SELENOI: variants seen among roughly 807,000 people sequenced by gnomAD.
The protein encoded by SELENOI is ethanolaminephosphotransferase 1.
A neutral mutation model predicts 50.7 loss-of-function variants in SELENOI; 24 were observed. The ratio of observed to expected loss-of-function variants is 0.47; its 90% confidence interval spans 0.34 to 0.67. SELENOI has a LOEUF of 0.67. Ranked by LOEUF, SELENOI falls within the 30% of genes least tolerant of loss-of-function variation. The pLI is 0.01. For missense variants in SELENOI, 352 were observed against 461.4 expected (o/e 0.76, Z 2.17); for synonymous variants, 155 against 170.2 (o/e 0.91, Z 0.70).
chr2:26,378,689 C>G (rs889264146), intron 6 of SELENOI, among the ~76,000 whole-genome samples: 2 of 152,180 alleles, frequency 1.3e-5, no homozygotes, highest in Non-Finnish European at 2.9e-5. Flanking sequence ...GAATTTCTGT[C>G]TGTCCTTCAG....
chr2:26,383,492 A>G (rs995547403), intron 7 of SELENOI, 145 bp downstream of exon 7: 61 of 599,540 alleles, frequency 1.0e-4, no homozygotes, highest in Non-Finnish European at 1.7e-4. Flanking sequence ...ATGGGGTAGG[A>G]TAGTTTAGGG....
At chr2:26,356,302 C>T (rs1331219110) in intron 1 of SELENOI, among the ~76,000 whole-genome samples, 1 of 152,062 alleles carries the variant, frequency 6.6e-6, no homozygotes, top group African/African-American at 2.4e-5. Context: ...GGACTACAGG[C>T]GTGTACTACC....
chr2:26,394,497 C>T lies in SELENOI; in HGVS notation c.*5394C>T, dbSNP rs541595011. On this transcript the variant is annotated 3_prime_UTR_variant, in exon 10 of 10. Coordinates refer to ENST00000260585, the MANE Select transcript of SELENOI (RefSeq NM_033505.4). This position sits in a 1 kb window ranked among gnomAD's most constrained non-coding sequence, Gnocchi z 4.1. ...AAATTGAGACTGCTCACAATATTAA[C>T]TTTTTTTGTAGGTTATTTTGTTGTT... 2.0e-5 allele frequency: 3 copies of T among 152,288 alleles called. No homozygotes were observed. The highest frequency in any genetic ancestry group is 3.9e-4 in the East Asian group (2 of 5,194). 9.4% of individuals were successfully genotyped at this position (152,288 alleles called of 1,614,324 possible). A position where few individuals can be genotyped will look rare whatever the true frequency, so the allele number is the denominator to read the frequency against.
chr2:26,393,235 C>G lies in SELENOI; in HGVS notation c.*4132C>G, dbSNP rs897428928. 1 of 152,624 alleles carries G rather than the reference C, an allele frequency of 6.6e-6. No individual in the cohort carries two copies. The highest frequency in any genetic ancestry group is 1.5e-5 in the Non-Finnish European group (1 of 68,054). The allele number at this position is 152,624 out of a possible 1,614,324, so 9.5% of individuals were successfully genotyped here. A position where few individuals can be genotyped will look rare whatever the true frequency, so the allele number is the denominator to read the frequency against. ...CAGAGAAAGTGGTGATATGCTTCTTCCTTGCATGGAGCTGTGGGAATTGGA... is the reference window on the plus strand; with the variant it reads ...CAGAGAAAGTGGTGATATGCTTCTTGCTTGCATGGAGCTGTGGGAATTGGA... On this transcript the variant is annotated 3_prime_UTR_variant, in exon 10 of 10. Transcript: ENST00000260585.
intron 1 of SELENOI, among the ~76,000 whole-genome samples, chr2:26,358,378 C>T (rs1267194677): frequency 1.3e-5 from 2 of 152,130 alleles, no homozygotes; most frequent in Non-Finnish European, 2.9e-5. Flanking sequence ...CAGAGTGAGA[C>T]TCCGTCTCAA....
chr2:26,383,991 G>A (rs1677785305), intron 7 of SELENOI, among the ~76,000 whole-genome samples: 1 of 152,202 alleles, frequency 6.6e-6, no homozygotes, highest in African/African-American at 2.4e-5. Context: ...TGTCTGGGTT[G>A]CGGGGAGAAG....
chr2:26,371,579 C>A (rs1188114289), intron 4 of SELENOI, among the ~76,000 whole-genome samples: 3 of 152,252 alleles, frequency 2.0e-5, no homozygotes, highest in Non-Finnish European at 4.4e-5. Flanking sequence ...CCATTGAGCA[C>A]TGAGTGAACC....
rs572034056 is a variant in SELENOI, at chr2:26,391,226, A to C, written c.*2123A>C. On this transcript the variant is annotated 3_prime_UTR_variant, in exon 10 of 10. Transcript: ENST00000260585. ...GGTGGTAAAGAATGATGCCATAGTC[A>C]GTTTTATTGACATTGTTAGATGAAA... 6.6e-6 allele frequency: 1 copy of C among 152,326 alleles called. No homozygotes were observed. The highest frequency in any genetic ancestry group is 2.4e-5 in the African/African-American group (1 of 41,578). The allele number at this position is 152,326 out of a possible 1,614,324, so 9.4% of individuals were successfully genotyped here.
chr2:26,365,988 G>A (rs1365950342), intron 3 of SELENOI, among the ~76,000 whole-genome samples: 1 of 151,880 alleles, frequency 6.6e-6, no homozygotes, highest in Non-Finnish European at 1.5e-5. Flanking sequence ...TTGTAGTAGA[G>A]CAGGGTTTCA....
intron 1 of SELENOI, among the ~76,000 whole-genome samples, chr2:26,357,602 G>T (rs918976742): frequency 7.2e-5 from 11 of 152,186 alleles, no homozygotes; most frequent in African/African-American, 2.7e-4. Flanking sequence ...GCTTCCAGTA[G>T]CTCCTGGCCT....
At position 26,364,856 on chromosome 2, in the gene SELENOI, A is replaced by T. The variant is rs1677254709; in HGVS notation, c.151A>T (p.Asn51Tyr). ...GGTATTTCCTACTTGGCTGGCGCCC[A>T]ATCTGATAACTTTTTCTGGCTTTCT... ...VKVFPTWLAP[N>Y]LITFSGFLLV... The change falls in exon 3 of 10, where the codon AAT becomes TAT. Residue 51 changes from asparagine (N) to tyrosine (Y), a missense_variant. Asn to Tyr is a moderately radical substitution (Grantham distance 143). Coordinates refer to ENST00000260585, the MANE Select transcript of SELENOI (RefSeq NM_033505.4). The T allele has an allele frequency of 3.1e-6, 5 of 1,609,772 alleles. No individual in the cohort carries two copies. The highest frequency in any genetic ancestry group is 8.5e-7 in the Non-Finnish European group (1 of 1,178,342).
At chr2:26,387,628 C>T (rs370734093) in intron 9 of SELENOI, among the ~76,000 whole-genome samples, 2 of 145,172 alleles carry the variant, frequency 1.4e-5, no homozygotes, top group South Asian at 2.2e-4. Flanking sequence ...CCCAGGAGGT[C>T]GGGGCTACAG....
chr2:26,380,141 C>G (rs1199227800), intron 6 of SELENOI, among the ~76,000 whole-genome samples: 1 of 152,048 alleles, frequency 6.6e-6, no homozygotes, highest in South Asian at 2.1e-4. Flanking sequence ...ATTCATTTTT[C>G]CTTTATAATT....
chr2:26,373,918 A>G (rs1182878084), intron 5 of SELENOI, among the ~76,000 whole-genome samples: 1 of 152,010 alleles, frequency 6.6e-6, no homozygotes, highest in Admixed American at 6.6e-5. Flanking sequence ...CGCCTGGCTA[A>G]TTTTTATATT....
chr2:26,367,086 G>C, intron 3 of SELENOI, 60 bp from the exon 4 acceptor site: 1 of 1,403,782 alleles, frequency 7.1e-7, no homozygotes, highest in South Asian at 1.3e-5. Context: ...GTCAGTATAT[G>C]CTATGGTAAG....
At chr2:26,374,400 G>T (rs887401497) in intron 5 of SELENOI, among the ~76,000 whole-genome samples, 12 of 152,108 alleles carry the variant, frequency 7.9e-5, no homozygotes, top group African/African-American at 2.9e-4. Context: ...CTCCAGTAAA[G>T]AAATCAGAAG....
At position 26,391,467 on chromosome 2, in the gene SELENOI, T is replaced by A. The variant is rs565173236; in HGVS notation, c.*2364T>A. The A allele has an allele frequency of 6.6e-6, 1 of 152,348 alleles. No individual in the cohort carries two copies. The highest frequency in any genetic ancestry group is 2.4e-5 in the African/African-American group (1 of 41,584). The allele number at this position is 152,348 out of a possible 1,614,324, so 9.4% of individuals were successfully genotyped here. A position where few individuals can be genotyped will look rare whatever the true frequency, so the allele number is the denominator to read the frequency against. On this transcript the variant is annotated 3_prime_UTR_variant, in exon 10 of 10. Coordinates refer to ENST00000260585, the MANE Select transcript of SELENOI (RefSeq NM_033505.4). ...TGCATTTATGTCATGCCAATTACTA[T>A]AACATTTCCAAAGTATGAAAGGTCT...
intron 1 of SELENOI, among the ~76,000 whole-genome samples, chr2:26,351,144 C>T (rs1676951702): frequency 6.6e-6 from 1 of 151,400 alleles, no homozygotes; most frequent in Admixed American, 6.6e-5. Context: ...CTGCCACCTC[C>T]ACCTCCTGGG....
intron 6 of SELENOI, among the ~76,000 whole-genome samples, chr2:26,375,478 A>C (rs1428993201): frequency 2.6e-5 from 4 of 152,228 alleles, no homozygotes; most frequent in Non-Finnish European, 4.4e-5. Flanking sequence ...TCAAAGTTGA[A>C]AATTACTAGT....
Sources: allele counts gnomAD v4.1 joint callset (sites outside exome capture counted in the v4.1 genomes callset), GRCh38; gene constraint gnomAD v4.1.1; non-coding constraint Gnocchi (gnomAD v3.1); transcripts MANE v1.5; gene names NCBI Gene and HGNC (gene_info 2026-07-23, HGNC 2026-07-21).